The following CCNF variants were observed in gnomAD, a reference collection of about 807,000 sequenced individuals.
The protein encoded by CCNF is cyclin-F.
A neutral mutation model predicts 85.4 loss-of-function variants in CCNF; 30 were observed. That is an observed-to-expected ratio of 0.35 (90% CI 0.26 to 0.48). The LOEUF (loss-of-function observed/expected upper bound fraction) is 0.48. Among genes scored for constraint, CCNF ranks in the 20% least tolerant of loss-of-function variants. CCNF has a pLI of 0.99. For missense variants in CCNF, 919 were observed against 1,010.4 expected (o/e 0.91, Z 1.23); for synonymous variants, 439 against 425.1 (o/e 1.03, Z -0.40).
rs182187641 is a variant in CCNF, at chr16:2,443,845, C to T, written c.929+45C>T. 472 of 1,583,344 alleles carry T rather than the reference C, an allele frequency of 3.0e-4. 2 individuals carry two copies. Among genetic ancestry groups the T allele is most frequent in the Admixed American group, 1.3e-3 (78 of 59,252 alleles). On this transcript the variant is annotated intron_variant, in intron 9 of 16. Coordinates refer to ENST00000397066, the MANE Select transcript of CCNF (RefSeq NM_001761.3). ...GCTTCTAATCAGAGCGGCGCGGAAG[C>T]CAGCCTCCAGGGGAAGGGAGCCCTT...
At chr16:2,446,543 A>G (rs1331551062) in intron 10 of CCNF, among the ~76,000 whole-genome samples, 1 of 152,202 alleles carries the variant, frequency 6.6e-6, no homozygotes, top group Non-Finnish European at 1.5e-5. Flanking sequence ...GATTCTCACA[A>G]TACGATTTGC....
In CCNF at chr16:2,439,364, G is replaced by A. The variant is rs1340623573; in HGVS notation, c.606G>A (p.Lys202=). Residue 202 remains lysine, a synonymous_variant, in exon 7 of 17, where the codon AAG becomes AAA. Transcript: ENST00000397066. The stretch of plus-strand genomic sequence containing the variant: ...GGGATTTATTCTAGGATGAGGAGAA[G>A]CAGCAGCAGGCCCATGACCTGTTTG... ...RVLSLFEDEE[K]QQQAHDLFEE... 9 of 1,604,880 alleles carry A rather than the reference G, an allele frequency of 5.6e-6. No individual in the cohort carries two copies. The highest frequency in any genetic ancestry group is 6.8e-6 in the Non-Finnish European group (8 of 1,175,444).
Position 2,451,744 on chromosome 16 carries a change from C to T in CCNF, c.1488-1466C>T, listed in dbSNP as rs1282804017. ...TTTTCTCCAGCCAGCATTACGCTGACCCTCCCTCCCTCGGGGGCTTCGGCT... is the reference window on the plus strand; with the variant it reads ...TTTTCTCCAGCCAGCATTACGCTGATCCTCCCTCCCTCGGGGGCTTCGGCT... On this transcript the variant is annotated intron_variant, in intron 13 of 16. Transcript: ENST00000397066. The surrounding 1 kb of genome is among the most constrained non-coding windows in gnomAD (Gnocchi z 4.3). Among the ~76,000 whole-genome samples, 2 of 152,198 alleles carry T rather than the reference C, an allele frequency of 1.3e-5. No homozygotes were observed. The highest frequency in any genetic ancestry group is 2.9e-5 in the Non-Finnish European group (2 of 68,030).
chr16:2,439,257 C>T (rs1286108633), intron 6 of CCNF, 96 bp from the exon 7 acceptor site: 3 of 1,009,750 alleles, frequency 3.0e-6, no homozygotes, highest in African/African-American at 3.2e-5. Flanking sequence ...AGGATGGCGC[C>T]ATTGCACTCC....
intron 10 of CCNF, among the ~76,000 whole-genome samples, chr16:2,448,142 C>A (rs543263972): frequency 6.6e-6 from 1 of 152,360 alleles, no homozygotes; most frequent in East Asian, 1.9e-4. Flanking sequence ...CACAGACTTT[C>A]CAACAACCCT....
Position 2,431,201 on chromosome 16 carries a change from C to G in CCNF, c.88C>G (p.Leu30Val). 1 of 1,614,140 alleles carries G rather than the reference C, an allele frequency of 6.2e-7. No homozygotes were observed. Among genetic ancestry groups the G allele is most frequent in the Non-Finnish European group, 8.5e-7 (1 of 1,180,022 alleles). ...KRRIRRRPRN[L>V]TILSLPEDVL... is the part of the protein sequence containing the mutation. ...AAGAATAAGGAGGAGGCCCCGAAAC[C>G]TGACCATCTTGAGTCTCCCCGAAGA... Residue 30 changes from leucine (L) to valine (V), a missense_variant, in exon 2 of 17, where the codon CTG (leucine) becomes GTG (valine). By Grantham distance (32) the Leu-to-Val change is conservative. Transcript: ENST00000397066.
At chr16:2,441,008 C>T (rs949469186) in intron 8 of CCNF, among the ~76,000 whole-genome samples, 15 of 150,708 alleles carry the variant, frequency 1.0e-4, no homozygotes, top group Admixed American at 6.6e-5. Context: ...CTGAGGCGGG[C>T]GGATCACGAG....
intron 7 of CCNF, 109 bp from the exon 8 acceptor site, chr16:2,439,640 T>G: frequency 2.0e-6 from 2 of 1,018,106 alleles, no homozygotes; most frequent in Non-Finnish European, 3.0e-6. Context: ...CTCCACCATT[T>G]GAGAGAGAAG....
In CCNF at chr16:2,429,450, C is replaced by T. The variant is rs1280521079; in HGVS notation, c.-32C>T. 3.3e-6 allele frequency: 4 copies of T among 1,217,610 alleles called. No homozygotes were observed. The African/African-American group carries it at 6.3e-5, about 19-fold the overall frequency. The allele number at this position is 1,217,610 out of a possible 1,614,324, so 75.4% of individuals were successfully genotyped here. On this transcript the variant is annotated 5_prime_UTR_variant, in exon 1 of 17. Transcript: ENST00000397066. Reference sequence around the variant, plus strand: ...GCCGGGGCGCGGGCGCGCTCTCAGGCGGGCTCCGGCGGCAGCGACGCGAGC... The same window carrying T: ...GCCGGGGCGCGGGCGCGCTCTCAGGTGGGCTCCGGCGGCAGCGACGCGAGC...
intron 4 of CCNF, 90 bp from the exon 5 acceptor site, chr16:2,437,039 G>C (rs568035415): frequency 1.8e-6 from 2 of 1,140,444 alleles, no homozygotes; most frequent in African/African-American, 3.1e-5. Context: ...GTGGGCTTCA[G>C]GCATTACACT....
rs2065357420 is a variant in CCNF, at chr16:2,445,564, C to T, written c.1036C>T (p.Leu346=). Residue 346 remains leucine, a synonymous_variant, in exon 10 of 17, where the codon CTG becomes TTG. Transcript: ENST00000397066. ...ECVDRYLRRR[L]VPRYRLQLLG... is the part of the protein sequence containing the mutation. ...TGTGGACCGGTACCTGCGGAGGAGGCTGGTGCCGCGGTACAGGCTCCAGCT... is the reference window on the plus strand; with the variant it reads ...TGTGGACCGGTACCTGCGGAGGAGGTTGGTGCCGCGGTACAGGCTCCAGCT... The T allele has an allele frequency of 2.5e-6, 4 of 1,613,864 alleles. No individual in the cohort carries two copies. The highest frequency in any genetic ancestry group is 3.4e-6 in the Non-Finnish European group (4 of 1,180,022).
At chr16:2,439,862 C>A (rs534000888) in intron 8 of CCNF, 36 bp downstream of exon 8, 5 of 1,568,734 alleles carry the variant, frequency 3.2e-6, no homozygotes, top group East Asian at 2.2e-5. Flanking sequence ...GGGGAGCTGG[C>A]CTTTCTCCCT....
At chr16:2,444,759 G>C (rs1363872212) in intron 9 of CCNF, among the ~76,000 whole-genome samples, 2 of 152,098 alleles carry the variant, frequency 1.3e-5, no homozygotes, top group Middle Eastern at 3.2e-3. Flanking sequence ...ACCATGCACA[G>C]CTAATTGTTG....
In CCNF at chr16:2,458,233, C is replaced by CCAGAAGT. The variant is rs1456194318; in HGVS notation, c.*1214_*1220dup. 10 of 152,052 alleles carry CCAGAAGT rather than the reference C, an allele frequency of 6.6e-5. No individual in the cohort carries two copies. The highest frequency in any genetic ancestry group is 1.5e-4 in the Non-Finnish European group (10 of 68,052). 9.4% of individuals were successfully genotyped at this position (152,052 alleles called of 1,614,324 possible). On this transcript the variant is annotated 3_prime_UTR_variant, in exon 17 of 17. Coordinates refer to ENST00000397066, the MANE Select transcript of CCNF (RefSeq NM_001761.3). ...GCAAATGTAAGAAAGAACCACTTGG[C>CCAGAAGT]CAGAAGTGTCCCCCAGATGCTTTTT... is the stretch of plus-strand genomic sequence containing the variant.
Position 2,456,489 on chromosome 16 carries a change from G to T in CCNF, c.1886-56G>T, listed in dbSNP as rs1029277510. 7.1e-6 allele frequency: 9 copies of T among 1,262,538 alleles called. No homozygotes were observed. The highest frequency in any genetic ancestry group is 1.5e-5 in the South Asian group (1 of 66,690). 78.2% of individuals were successfully genotyped at this position (1,262,538 alleles called of 1,614,324 possible). A position where few individuals can be genotyped will look rare whatever the true frequency, so the allele number is the denominator to read the frequency against. On this transcript the variant is annotated intron_variant, in intron 16 of 16. Coordinates refer to ENST00000397066, the MANE Select transcript of CCNF (RefSeq NM_001761.3). The surrounding 1 kb of genome is among the most constrained non-coding windows in gnomAD (Gnocchi z 4.5). ...CTTCAGGGTCCTGACCTGGCAGGGG[G>T]TCTCCCCTGATGCTTGGGTGTGACA...
rs757660294 is a variant in CCNF, at chr16:2,453,080, C to T, written c.1488-130C>T. 6.6e-5 allele frequency: 50 copies of T among 753,316 alleles called. No individual in the cohort carries two copies. Among genetic ancestry groups the T allele is most frequent in the Non-Finnish European group, 9.0e-5 (39 of 432,334 alleles). The allele number at this position is 753,316 out of a possible 1,614,324, so 46.7% of individuals were successfully genotyped here. A position where few individuals can be genotyped will look rare whatever the true frequency, so the allele number is the denominator to read the frequency against. ...CCTGTGGTGACTGAGTTTAACCATT[C>T]GGGGAACTGCCAGGTCAGATTCCAG... is the stretch of plus-strand genomic sequence containing the variant. On this transcript the variant is annotated intron_variant, in intron 13 of 16. Coordinates refer to ENST00000397066, the MANE Select transcript of CCNF (RefSeq NM_001761.3). This position sits in a 1 kb window ranked among gnomAD's most constrained non-coding sequence, Gnocchi z 5.6.
At chr16:2,444,163 C>T (rs4786283) in intron 9 of CCNF, among the ~76,000 whole-genome samples, 108,093 of 151,578 alleles carry the variant, frequency 0.71, 38,853 homozygotes, top group East Asian at 0.86. Flanking sequence ...TCGTGATCCG[C>T]CCGCTTTGGC....
At chr16:2,449,042 G>GCCCCCC in intron 11 of CCNF, 64 bp downstream of exon 11, 2 of 683,564 alleles carry the variant, frequency 2.9e-6, no homozygotes, top group Non-Finnish European at 5.5e-6. Flanking sequence ...GTGGGGGTGG[G>GCCCCCC]CATTCAGCTT....
intron 8 of CCNF, among the ~76,000 whole-genome samples, chr16:2,440,604 A>G (rs1418905848): frequency 6.6e-6 from 1 of 152,148 alleles, no homozygotes; most frequent in Non-Finnish European, 1.5e-5. Flanking sequence ...GAAGGAAAAA[A>G]AAAGTTGTCA....
Sources: gnomAD v4.1 joint callset for allele counts (sites outside exome capture counted in the v4.1 genomes callset) on GRCh38, gnomAD v4.1.1 for gene constraint, Gnocchi (gnomAD v3.1) non-coding constraint, MANE v1.5 for transcripts, NCBI Gene and HGNC (gene_info 2026-07-23, HGNC 2026-07-21) for gene names.